The following PTPRT variants were observed in gnomAD, a reference collection of about 807,000 sequenced individuals.
The protein encoded by PTPRT is receptor-type tyrosine-protein phosphatase T.
A neutral mutation model predicts 176.8 loss-of-function variants in PTPRT; 56 were observed. The observed-to-expected ratio is 0.32, with a 90% CI of 0.26 to 0.40. The LOEUF is 0.40. PTPRT is among the 10% of genes least tolerant of loss of function. PTPRT has a pLI of 1.00. For synonymous variants in PTPRT, 783 were observed against 739.0 expected (o/e 1.06, Z -0.96); for missense variants, 1,540 against 1,908.2 (o/e 0.81, Z 3.60).
At chr20:42,550,090 T>C (rs373391107) in intron 7 of PTPRT, among the ~76,000 whole-genome samples, 5 of 152,160 alleles carry the variant, frequency 3.3e-5, no homozygotes, top group African/African-American at 4.8e-5. Flanking sequence ...CCACTCTGTA[T>C]TGAATAGCTA....
At chr20:42,892,956 TG>T (rs2079221020) in intron 1 of PTPRT, among the ~76,000 whole-genome samples, 1 of 151,976 alleles carries the variant, frequency 6.6e-6, no homozygotes, top group Non-Finnish European at 1.5e-5. Flanking sequence ...TCTCATCCAC[TG>T]TCATTGGGCT....
At chr20:42,264,550 C>G (rs562972622) in intron 13 of PTPRT, among the ~76,000 whole-genome samples, 1 of 152,204 alleles carries the variant, frequency 6.6e-6, no homozygotes, top group Non-Finnish European at 1.5e-5. Flanking sequence ...CACCTGCCCT[C>G]GTGGCCTCCA....
chr20:42,837,919 C>A (rs928617849), intron 2 of PTPRT, among the ~76,000 whole-genome samples: 5 of 151,998 alleles, frequency 3.3e-5, no homozygotes, highest in Admixed American at 3.3e-4. Context: ...CACATTTGCA[C>A]CCTAGACAGA....
intron 1 of PTPRT, among the ~76,000 whole-genome samples, chr20:43,123,486 G>C (rs2013341321): frequency 6.6e-6 from 1 of 152,138 alleles, no homozygotes; most frequent in South Asian, 2.1e-4. Context: ...TCTTAAAAGA[G>C]AGAGAACACG....
intron 7 of PTPRT, among the ~76,000 whole-genome samples, chr20:42,524,754 CT>C (rs2072238785): frequency 1.3e-5 from 2 of 152,262 alleles, no homozygotes; most frequent in South Asian, 4.1e-4. Flanking sequence ...ATGTGAGACT[CT>C]CATCCCACTA....
At chr20:42,851,166 C>G (rs1485574960) in intron 2 of PTPRT, among the ~76,000 whole-genome samples, 1 of 152,188 alleles carries the variant, frequency 6.6e-6, no homozygotes, top group African/African-American at 2.4e-5. Context: ...TGTCTTACAT[C>G]TATTCTGTTC....
At chr20:43,126,375 A>G (rs543592049) in intron 1 of PTPRT, among the ~76,000 whole-genome samples, 1 of 152,110 alleles carries the variant, frequency 6.6e-6, no homozygotes, top group Non-Finnish European at 1.5e-5. Context: ...AAGAAAGAAA[A>G]AAAAAAGATT....
chr20:43,090,472 T>A (rs2425583), intron 1 of PTPRT, among the ~76,000 whole-genome samples: 18,179 of 151,914 alleles, frequency 0.12, 2,273 homozygotes, highest in African/African-American at 0.32. Context: ...GTTTCACCGT[T>A]TTAGCCAGGA....
chr20:42,665,928 C>T (rs1353996426), intron 7 of PTPRT, among the ~76,000 whole-genome samples: 2 of 127,594 alleles, frequency 1.6e-5, no homozygotes, highest in African/African-American at 6.2e-5. Context: ...GAACATCACA[C>T]ACCAGGGCCT....
rs186199850 is a variant in PTPRT at position 42,824,575 on chromosome 20, A to G, written c.215-33109T>C. ...GATTAACTATAGTATTTGAAAAAAC[A>G]ATGGACTTAGATTCTATTCACATGG... On this transcript the variant is annotated intron_variant, in intron 2 of 30. Transcript: ENST00000373187. Among the ~76,000 whole-genome samples, 691 of 152,208 alleles carry G rather than the reference A, an allele frequency of 4.5e-3. 2 individuals are homozygous for G. Among genetic ancestry groups the G allele is most frequent in the Middle Eastern group, 0.01 (3 of 294 alleles).
chr20:43,109,690 T>G (rs1391724266), intron 1 of PTPRT, among the ~76,000 whole-genome samples: 1 of 151,986 alleles, frequency 6.6e-6, no homozygotes. Context: ...TAGACAATGA[T>G]AAGCCAATAT....
chr20:42,041,830 T>A, the PTPRT span, among the ~76,000 whole-genome samples: 1 of 152,240 alleles, frequency 6.6e-6, no homozygotes, highest in Non-Finnish European at 1.5e-5. Context: ...TCATTATTAT[T>A]GCTACTACAT....
chr20:42,896,163 G>A (rs2145901806), intron 1 of PTPRT, among the ~76,000 whole-genome samples: 1 of 152,202 alleles, frequency 6.6e-6, no homozygotes, highest in Non-Finnish European at 1.5e-5. Flanking sequence ...TAAGGAAACT[G>A]AGGCAGGAGT....
chr20:42,058,485 A>G, the PTPRT span, among the ~76,000 whole-genome samples: 4 of 152,138 alleles, frequency 2.6e-5, no homozygotes, highest in African/African-American at 7.2e-5. Flanking sequence ...CCACTCTCAT[A>G]TTCTCCAAGC....
At position 42,086,753 on chromosome 20, in the gene PTPRT, A is replaced by AAT. The variant is rs1555858329; in HGVS notation, c.3847-902_3847-901dup. The stretch of plus-strand genomic sequence containing the variant: ...AAAAAAAAAAAAAAAAAAAAAAAAA[A>AAT]ATATATATATATATGGGTTTGACCT... On this transcript the variant is annotated intron_variant, in intron 27 of 30. Transcript: ENST00000373187. Among the ~76,000 whole-genome samples the AAT allele has an allele frequency of 5.5e-4, 53 of 95,532 alleles. 3 individuals are homozygous for AAT. Among genetic ancestry groups the AAT allele is most frequent in the East Asian group, 1.7e-3 (5 of 2,956 alleles). 62.7% of individuals were successfully genotyped at this position (95,532 alleles called of 152,430 possible). A position where few individuals can be genotyped will look rare whatever the true frequency, so the allele number is the denominator to read the frequency against.
intron 5 of PTPRT, among the ~76,000 whole-genome samples, chr20:42,768,009 C>T (rs1199498130): frequency 6.7e-6 from 1 of 149,738 alleles, no homozygotes; most frequent in African/African-American, 2.5e-5. Context: ...CACACACACA[C>T]ACACACACAC....
rs1414935736 is a variant in PTPRT, at chr20:42,079,749, A to G, written c.*1130T>C. 1 of 229,236 alleles carries G rather than the reference A, an allele frequency of 4.4e-6. No individual in the cohort carries two copies. Among genetic ancestry groups the G allele is most frequent in the Non-Finnish European group, 8.7e-6 (1 of 115,566 alleles). 14.2% of individuals were successfully genotyped at this position (229,236 alleles called of 1,614,324 possible). A position where few individuals can be genotyped will look rare whatever the true frequency, so the allele number is the denominator to read the frequency against. On this transcript the variant is annotated 3_prime_UTR_variant, in exon 31 of 31. Coordinates refer to ENST00000373187, the MANE Select transcript of PTPRT (RefSeq NM_007050.6). ...GAGTTCAAATTTGGACATCCAAATT[A>G]TGCACAAAGCTGGTGCTCTATTTGC...
chr20:42,780,437 G>A lies in PTPRT; in HGVS notation c.487-138C>T, dbSNP rs1340353026. 1.6e-5 allele frequency: 9 copies of A among 577,216 alleles called. 1 individual carries two copies. Among genetic ancestry groups the A allele is most frequent in the South Asian group, 7.3e-5 (3 of 40,942 alleles). 35.8% of individuals were successfully genotyped at this position (577,216 alleles called of 1,614,324 possible). A position where few individuals can be genotyped will look rare whatever the true frequency, so the allele number is the denominator to read the frequency against. On this transcript the variant is annotated intron_variant, in intron 3 of 30. Transcript: ENST00000373187. ...AAGAAACCTTCTGTTAAGACAGCAC[G>A]CTACCCTGGCAATTGACTGGGATTT...
intron 7 of PTPRT, among the ~76,000 whole-genome samples, chr20:42,571,876 C>A (rs944336131): frequency 1.3e-5 from 2 of 152,182 alleles, no homozygotes; most frequent in African/African-American, 2.4e-5. Context: ...CTTCCCACTT[C>A]GCCTCTTGGC....
Sources: gnomAD v4.1 joint callset for allele counts (sites outside exome capture counted in the v4.1 genomes callset) on GRCh38, gnomAD v4.1.1 for gene constraint, MANE v1.5 for transcripts, NCBI Gene and HGNC (gene_info 2026-07-23, HGNC 2026-07-21) for gene names.